ADGRL3: variants seen among roughly 807,000 people sequenced by gnomAD.
ADGRL3 encodes the protein adhesion G protein-coupled receptor L3, also known as calcium-independent alpha-latrotoxin receptor 3.
In ADGRL3, 62 loss-of-function variants were observed where a neutral mutation model predicts 153.5. The ratio of observed to expected loss-of-function variants is 0.40; its 90% CI spans 0.33 to 0.50. The LOEUF is 0.50. Ranked by LOEUF, ADGRL3 falls within the 20% of genes least tolerant of loss-of-function variation. The pLI is 0.47. For missense variants in ADGRL3, 1,641 were observed against 1,859.4 expected (o/e 0.88, Z 2.16); for synonymous variants, 710 against 672.5 (o/e 1.06, Z -0.86).
intron 17 of ADGRL3, among the ~76,000 whole-genome samples, chr4:61,964,563 C>A (rs1417535297): frequency 6.6e-6 from 1 of 151,934 alleles, no homozygotes; most frequent in East Asian, 1.9e-4. Flanking sequence ...AATATAACTA[C>A]ATATAACTTC....
intron 1 of ADGRL3, among the ~76,000 whole-genome samples, chr4:61,325,865 A>G (rs1477568976): frequency 6.6e-6 from 1 of 152,206 alleles, no homozygotes; most frequent in Non-Finnish European, 1.5e-5. Context: ...AAAAGTCATG[A>G]TTACTAACAT....
At chr4:61,843,576 G>A (rs2098066945) in intron 9 of ADGRL3, among the ~76,000 whole-genome samples, 1 of 152,110 alleles carries the variant, frequency 6.6e-6, no homozygotes, top group South Asian at 2.1e-4. Context: ...ATAAAAAGAT[G>A]GCTGCTTTTG....
At chr4:61,403,874 CCA>C (rs1446673773) in intron 2 of ADGRL3, among the ~76,000 whole-genome samples, 2 of 151,922 alleles carry the variant, frequency 1.3e-5, no homozygotes, top group Admixed American at 6.6e-5. Context: ...AGCAAAATCC[CCA>C]CACATTTGGT....
chr4:61,761,567 G>A (rs2096912572), intron 8 of ADGRL3, among the ~76,000 whole-genome samples: 1 of 152,118 alleles, frequency 6.6e-6, no homozygotes, highest in African/African-American at 2.4e-5. Context: ...ACTGACACAG[G>A]AGGATTGCTT....
chr4:62,024,554 G>T (rs1056745509), intron 21 of ADGRL3, among the ~76,000 whole-genome samples: 8 of 152,014 alleles, frequency 5.3e-5, no homozygotes, highest in Non-Finnish European at 1.0e-4. Context: ...TGTTTTTGAA[G>T]AATTTTTAAT....
chr4:61,818,719 G>A (rs184251631), intron 9 of ADGRL3, among the ~76,000 whole-genome samples: 5 of 151,936 alleles, frequency 3.3e-5, no homozygotes, highest in African/African-American at 7.3e-5. Flanking sequence ...CCTTAAAATG[G>A]TTGTCCTGAT....
chr4:61,315,569 G>A (rs1355119268), intron 1 of ADGRL3, among the ~76,000 whole-genome samples: 1 of 152,122 alleles, frequency 6.6e-6, no homozygotes, highest in African/African-American at 2.4e-5. Flanking sequence ...GGAGAAGGAG[G>A]GGCTGGAAAG....
chr4:61,705,393 C>T (rs1276515995), intron 6 of ADGRL3, among the ~76,000 whole-genome samples: 1 of 149,348 alleles, frequency 6.7e-6, no homozygotes, highest in Non-Finnish European at 1.5e-5. Flanking sequence ...ACAAGTGATA[C>T]ATATTATTTA....
intron 1 of ADGRL3, among the ~76,000 whole-genome samples, chr4:61,357,761 T>C (rs2151435038): frequency 6.6e-6 from 1 of 152,182 alleles, no homozygotes; most frequent in African/African-American, 2.4e-5. Flanking sequence ...CTTTGATCTG[T>C]TTGGAAAAAG....
chr4:61,605,853 T>C (rs2099030331), intron 5 of ADGRL3, among the ~76,000 whole-genome samples: 1 of 152,092 alleles, frequency 6.6e-6, no homozygotes, highest in African/African-American at 2.4e-5. Flanking sequence ...AAAATGCCCA[T>C]GAAAATAAGC....
intron 5 of ADGRL3, among the ~76,000 whole-genome samples, chr4:61,604,783 G>A (rs2099025409): frequency 6.6e-6 from 1 of 152,088 alleles, no homozygotes; most frequent in African/African-American, 2.4e-5. Flanking sequence ...AAATGTTTCA[G>A]TCTGAATAGA....
chr4:61,463,457 G>A (rs111330231), intron 2 of ADGRL3, among the ~76,000 whole-genome samples: 7,427 of 152,144 alleles, frequency 0.049, 194 homozygotes, highest in African/African-American at 0.065. Context: ...CAGATCTCTT[G>A]AAAACTCACT....
intron 8 of ADGRL3, among the ~76,000 whole-genome samples, chr4:61,792,719 ACCTCGGGATCTGCCCG>A (rs2097358408): frequency 6.6e-6 from 1 of 151,762 alleles, no homozygotes; most frequent in Non-Finnish European, 1.5e-5. Flanking sequence ...TGAACTCCTG[ACCTCGGGATCTGCCCG>A]CCTCAGCCTC....
chr4:61,213,575 A>C (rs1283307747), intron 1 of ADGRL3, among the ~76,000 whole-genome samples: 1 of 152,200 alleles, frequency 6.6e-6, no homozygotes, highest in Non-Finnish European at 1.5e-5. Context: ...CACTGTGTTC[A>C]CAGAGATTAT....
intron 5 of ADGRL3, among the ~76,000 whole-genome samples, chr4:61,635,205 G>A (rs1193313548): frequency 1.3e-5 from 2 of 152,140 alleles, no homozygotes; most frequent in Admixed American, 1.3e-4. Context: ...TGGACCTTAA[G>A]CTGGGGAAGG....
chr4:61,912,879 G>A, intron 13 of ADGRL3, 122 bp downstream of exon 13: 2 of 900,934 alleles, frequency 2.2e-6, no homozygotes, highest in South Asian at 3.0e-5. Flanking sequence ...TTCATGGAGG[G>A]GGAGAAGGGT....
intron 8 of ADGRL3, among the ~76,000 whole-genome samples, chr4:61,776,566 TCTA>T (rs2097153749): frequency 6.6e-6 from 1 of 152,132 alleles, no homozygotes; most frequent in Non-Finnish European, 1.5e-5. Flanking sequence ...GATCATAAAA[TCTA>T]CTGAATTTTA....
chr4:61,255,672 G>A (rs184122212), intron 1 of ADGRL3, among the ~76,000 whole-genome samples: 281 of 152,230 alleles, frequency 1.8e-3, no homozygotes, highest in African/African-American at 6.1e-3. Context: ...CAAGATACAG[G>A]AGTGGAAATT....
rs573562566 is a variant in ADGRL3 at position 61,271,206 on chromosome 4, A to G, written c.-240+69441A>G. 3.3e-5 allele frequency among the ~76,000 whole-genome samples: 5 copies of G among 152,006 alleles called. No homozygotes were observed. In the South Asian group the frequency reaches 8.3e-4, roughly 25 times the overall value. On this transcript the variant is annotated intron_variant, in intron 1 of 26. Transcript: ENST00000683033. ...AAATTGTGAAATTTATATGTCTTGT[A>G]AATCTTTGCTCTTCACAGTTGTATA...
Sources: allele counts gnomAD v4.1 joint callset (sites outside exome capture counted in the v4.1 genomes callset), GRCh38; gene constraint gnomAD v4.1.1; transcripts MANE v1.5; gene names NCBI Gene and HGNC (gene_info 2026-07-23, HGNC 2026-07-21).